Variants in ARL5A observed in about 807,000 individuals in gnomAD.
ARL5A encodes ARF like GTPase 5A.
ARL5A carries 18 observed loss-of-function variants against 25.9 expected under a neutral mutation model. That is an observed-to-expected ratio of 0.69 (90% CI 0.48 to 1.03). ARL5A has a LOEUF of 1.03. Ranked by LOEUF, ARL5A falls within the 50% of genes least tolerant of loss-of-function variation. The pLI, the probability that ARL5A is intolerant of heterozygous loss-of-function variation, is 0.00. For synonymous variants in ARL5A, 61 were observed against 67.5 expected (o/e 0.90, Z 0.47); for missense variants, 170 against 211.9 (o/e 0.80, Z 1.23).
Position 151,814,262 on chromosome 2 carries a change from C to A in ARL5A, c.162G>T (p.Glu54Asp). The A allele has an allele frequency of 6.2e-7, 1 of 1,603,064 alleles. No homozygotes were observed. Among genetic ancestry groups the A allele is most frequent in the East Asian group, 2.3e-5 (1 of 44,182 alleles). ...GGAAACGTGTATTATTAATCACTAT[C>A]TCTTCTACATTACTTCCTATTGTAG... ...TSPTIGSNVEEIVINNTRFLM... is the reference protein window; with the variant it reads ...TSPTIGSNVEDIVINNTRFLM... Residue 54 changes from glutamate (E) to aspartate (D), a missense_variant, in exon 3 of 6, where the codon GAG (glutamate) becomes GAT (aspartate). Transcript: ENST00000295087.
chr2:151,807,361 C>G (rs1298040896), intron 4 of ARL5A, among the ~76,000 whole-genome samples: 19 of 152,162 alleles, frequency 1.2e-4, no homozygotes, highest in Non-Finnish European at 2.4e-4. Context: ...AAGTACTCTG[C>G]TGTAATTAGC....
chr2:151,825,578 G>A (rs192528485), intron 1 of ARL5A, among the ~76,000 whole-genome samples: 8 of 152,208 alleles, frequency 5.3e-5, no homozygotes, highest in African/African-American at 1.4e-4. Flanking sequence ...TTTCTAGTTC[G>A]AGCGGTATAC....
chr2:151,804,434 A>T (rs1217658695), intron 5 of ARL5A, among the ~76,000 whole-genome samples: 3 of 152,132 alleles, frequency 2.0e-5, no homozygotes, highest in Non-Finnish European at 2.9e-5. Flanking sequence ...ACAATATTAA[A>T]TTTTTTTCAA....
At chr2:151,825,522 T>A (rs2099832935) in intron 1 of ARL5A, among the ~76,000 whole-genome samples, 1 of 152,208 alleles carries the variant, frequency 6.6e-6, no homozygotes. Context: ...AGGATAAAGT[T>A]TGTACTCTAC....
At chr2:151,821,730 C>A (rs1011611645) in intron 1 of ARL5A, among the ~76,000 whole-genome samples, 2 of 150,412 alleles carry the variant, frequency 1.3e-5, no homozygotes, top group African/African-American at 4.9e-5. Context: ...GCCTCAGCCT[C>A]TCAAGCAGCT....
Position 151,803,027 on chromosome 2 carries a change from G to A in ARL5A, c.*249C>T, listed in dbSNP as rs551928004. 6.5e-6 allele frequency: 3 copies of A among 459,638 alleles called. No individual in the cohort carries two copies. The East Asian group carries it at 1.2e-4, about 19-fold the overall frequency. 28.5% of individuals were successfully genotyped at this position (459,638 alleles called of 1,614,324 possible). On this transcript the variant is annotated 3_prime_UTR_variant, in exon 6 of 6. Coordinates refer to ENST00000295087, the MANE Select transcript of ARL5A (RefSeq NM_012097.4). ...CTTACCATAGGCTACACAATGTCCT[G>A]AGAGGATTCATTATGAGAAAAATGT... is the stretch of plus-strand genomic sequence containing the variant.
chr2:151,821,124 CAT>C (rs2099832246), intron 1 of ARL5A, among the ~76,000 whole-genome samples: 1 of 152,206 alleles, frequency 6.6e-6, no homozygotes, highest in Non-Finnish European at 1.5e-5. Flanking sequence ...GTCTCTAGAA[CAT>C]GTCATAAACT....
chr2:151,814,207 G>A lies in ARL5A; in HGVS notation c.217C>T (p.Leu73Phe). ...LMWDIGGQES[L>F]RSSWNTYYTN... ...TAGTAAGTGTTCCAGGAAGAACGAAGAGATTCTTGGCCACCAATATCCCAC... is the reference window on the plus strand; with the variant it reads ...TAGTAAGTGTTCCAGGAAGAACGAAAAGATTCTTGGCCACCAATATCCCAC... Residue 73 changes from leucine (L) to phenylalanine (F), a missense_variant, in exon 3 of 6, where the codon CTT becomes TTT. Transcript: ENST00000295087. The A allele has an allele frequency of 6.2e-7, 1 of 1,606,520 alleles. No individual in the cohort carries two copies. The highest frequency in any genetic ancestry group is 1.1e-5 in the South Asian group (1 of 89,714).
At chr2:151,807,793 T>C (rs1032993497) in intron 4 of ARL5A, among the ~76,000 whole-genome samples, 7 of 152,216 alleles carry the variant, frequency 4.6e-5, no homozygotes, top group African/African-American at 1.2e-4. Flanking sequence ...TTCAATGCTA[T>C]GACTCAGAGG....
At chr2:151,806,555 T>TA (rs2099830139) in intron 5 of ARL5A, among the ~76,000 whole-genome samples, 1 of 152,208 alleles carries the variant, frequency 6.6e-6, no homozygotes, top group African/African-American at 2.4e-5. Flanking sequence ...CTCTCACTGA[T>TA]ACTCCCATTT....
intron 1 of ARL5A, among the ~76,000 whole-genome samples, chr2:151,826,858 C>T (rs2099833123): frequency 6.6e-6 from 1 of 152,194 alleles, no homozygotes; most frequent in South Asian, 2.1e-4. Flanking sequence ...ATTTTCTCTA[C>T]TTTATGAAAA....
chr2:151,821,427 C>A (rs1406079612), intron 1 of ARL5A, among the ~76,000 whole-genome samples: 1 of 152,132 alleles, frequency 6.6e-6, no homozygotes, highest in Non-Finnish European at 1.5e-5. Flanking sequence ...TCCAAAAAAA[C>A]CACATGTAGT....
chr2:151,805,034 A>G (rs1232486443), intron 5 of ARL5A, among the ~76,000 whole-genome samples: 1 of 152,208 alleles, frequency 6.6e-6, no homozygotes, highest in Admixed American at 6.5e-5. Context: ...TACAATTATC[A>G]AAGTATATAA....
chr2:151,822,805 G>A (rs1375371996), intron 1 of ARL5A, among the ~76,000 whole-genome samples: 1 of 152,180 alleles, frequency 6.6e-6, no homozygotes, highest in African/African-American at 2.4e-5. Context: ...ATGGAACTGT[G>A]AGTTACCAAT....
In ARL5A at chr2:151,813,467, A is replaced by G. The variant is rs188875117; in HGVS notation, c.255+702T>C. On this transcript the variant is annotated intron_variant, in intron 3 of 5. Coordinates refer to ENST00000295087, the MANE Select transcript of ARL5A (RefSeq NM_012097.4). ...GTAGCATATATACCTTTATAATCAT[A>G]CATAACTTCCCTTATTAAAAAATGA... Among the ~76,000 whole-genome samples the G allele has an allele frequency of 3.3e-5, 5 of 152,356 alleles. No homozygotes were observed. In the East Asian group the frequency reaches 9.6e-4, roughly 29 times the overall value.
intron 1 of ARL5A, 68 bp from the exon 2 acceptor site, chr2:151,815,267 AAT>A (rs1360692892): frequency 7.9e-7 from 1 of 1,263,122 alleles, no homozygotes; most frequent in African/African-American, 1.5e-5. Flanking sequence ...TATAGGAAAA[AAT>A]ATACTCTGTA....
intron 5 of ARL5A, among the ~76,000 whole-genome samples, chr2:151,804,426 A>G (rs920190775): frequency 5.9e-5 from 9 of 152,200 alleles, no homozygotes; most frequent in African/African-American, 2.2e-4. Context: ...ACTATGTTAC[A>G]ATATTAAATT....
intron 3 of ARL5A, 34 bp from the exon 4 acceptor site, chr2:151,812,474 T>C (rs761210059): frequency 1.5e-6 from 2 of 1,365,360 alleles, no homozygotes; most frequent in South Asian, 2.7e-5. Context: ...TTAGTGATTA[T>C]ACAATTTGGT....
rs1415883340 is a variant in ARL5A, at chr2:151,808,111, TAATA to T, written c.340-1143_340-1140del. On this transcript the variant is annotated intron_variant, in intron 4 of 5. Coordinates refer to ENST00000295087, the MANE Select transcript of ARL5A (RefSeq NM_012097.4). The stretch of plus-strand genomic sequence containing the variant: ...AAGTTTATGTACAATTTGAGGGTGT[TAATA>T]AATAGCCTAAATTCCCTACATGGAT... 2.6e-5 allele frequency among the ~76,000 whole-genome samples: 4 copies of T among 152,300 alleles called. No homozygotes were observed. In the East Asian group the frequency reaches 7.7e-4, roughly 29 times the overall value.
Sources: gnomAD v4.1 joint callset for allele counts (sites outside exome capture counted in the v4.1 genomes callset) on GRCh38, gnomAD v4.1.1 for gene constraint, MANE v1.5 for transcripts, NCBI Gene and HGNC (gene_info 2026-07-23, HGNC 2026-07-21) for gene names.